The following NEMF variants were observed in gnomAD, a reference collection of about 807,000 sequenced individuals.
NEMF encodes ribosome quality control complex subunit NEMF.
NEMF carries 89 observed loss-of-function variants against 162.2 expected under a neutral mutation model. That is an observed-to-expected ratio of 0.55 (90% CI 0.46 to 0.65). The LOEUF (loss-of-function observed/expected upper bound fraction) is 0.65, where lower values mean the gene tolerates loss of function less well. Among genes scored for constraint, NEMF ranks in the 30% least tolerant of loss-of-function variants. The pLI is 0.00. For missense variants in NEMF, 1,133 were observed against 1,261.9 expected (o/e 0.90, Z 1.55); for synonymous variants, 421 against 404.5 (o/e 1.04, Z -0.49).
Position 49,840,057 on chromosome 14 carries a change from G to A in NEMF, c.506+661C>T, listed in dbSNP as rs368583025. Among the ~76,000 whole-genome samples the A allele has an allele frequency of 9.2e-5, 14 of 152,286 alleles. No homozygotes were observed. In the East Asian group the frequency reaches 2.5e-3, roughly 27 times the overall value. ...CTCCTGTAGTTCCACCTACTTGGGA[G>A]GCTGAGGCAGGAGGATTGCTTGAGC... On this transcript the variant is annotated intron_variant, in intron 5 of 32. Transcript: ENST00000298310.
chr14:49,801,641 GAATA>G (rs1423643307), intron 22 of NEMF: 1 of 152,166 alleles, frequency 6.6e-6, no homozygotes, highest in African/African-American at 2.4e-5. Context: ...TTAGCAGAGA[GAATA>G]ACTACAAAAG....
At chr14:49,841,123 G>C (rs1039005793) in intron 4 of NEMF, among the ~76,000 whole-genome samples, 3 of 150,846 alleles carry the variant, frequency 2.0e-5, no homozygotes, top group Admixed American at 6.6e-5. Flanking sequence ...CTTGAATCTG[G>C]GGGGTGGAGA....
At position 49,789,344 on chromosome 14, in the gene NEMF, C is replaced by A; in HGVS notation, c.2698-1G>T. ...TTTCTTCTTTGTTTGAACCTGCAGA[C>A]TTTAATTCATAGAGGAAACATCAGT... is the stretch of plus-strand genomic sequence containing the variant. On this transcript the variant is annotated splice_acceptor_variant, in intron 27 of 32. Transcript: ENST00000298310. LOFTEE classifies it high-confidence loss of function. 6.2e-7 allele frequency: 1 copy of A among 1,613,956 alleles called. No homozygotes were observed. Among genetic ancestry groups the A allele is most frequent in the Non-Finnish European group, 8.5e-7 (1 of 1,179,940 alleles).
chr14:49,789,700 A>G, intron 26 of NEMF, 127 bp from the exon 27 acceptor site: 1 of 1,299,876 alleles, frequency 7.7e-7, no homozygotes, highest in Non-Finnish European at 1.0e-6. Context: ...CACCATTATA[A>G]TAAACAATAT....
chr14:49,790,334 T>TATA (rs1479663527), intron 26 of NEMF, among the ~76,000 whole-genome samples: 1 of 152,122 alleles, frequency 6.6e-6, no homozygotes, highest in African/African-American at 2.4e-5. Context: ...AGAGAACCCT[T>TATA]ATACATCAAC....
At position 49,800,551 on chromosome 14, in the gene NEMF, G is replaced by A. The variant is rs760029795; in HGVS notation, c.2241C>T (p.Ser747=). 13 of 1,613,918 alleles carry A rather than the reference G, an allele frequency of 8.1e-6. No individual in the cohort carries two copies. The highest frequency in any genetic ancestry group is 6.6e-5 in the South Asian group (6 of 91,064). ...ELNEELIQEE[S]SEDEGEYEEV... Reference sequence around the variant, plus strand: ...CTTCATATTCTCCTTCGTCTTCAGAGCTTTCTTCCTGAATGAGCTCCTCAT... The same window carrying A: ...CTTCATATTCTCCTTCGTCTTCAGAACTTTCTTCCTGAATGAGCTCCTCAT... Residue 747 remains serine, a synonymous_variant, in exon 23 of 33, where the codon AGC becomes AGT. Coordinates refer to ENST00000298310, the MANE Select transcript of NEMF (RefSeq NM_004713.6).
intron 22 of NEMF, 36 bp downstream of exon 22, chr14:49,802,417 A>C (rs533980975): frequency 6.2e-7 from 1 of 1,603,046 alleles, no homozygotes; most frequent in Non-Finnish European, 8.5e-7. Flanking sequence ...GTAACAAAAA[A>C]CATCACAAGC....
intron 4 of NEMF, chr14:49,844,686 AATTT>A (rs1893384449): frequency 5.8e-6 from 1 of 172,894 alleles, no homozygotes; most frequent in Non-Finnish European, 1.3e-5. Flanking sequence ...GACCAGATTA[AATTT>A]ATGTATTTAT....
Position 49,806,151 on chromosome 14 carries a change from A to T in NEMF, c.1745-18T>A, listed in dbSNP as rs751216801. ...GGGTTCTCCTAGAATAACAATGCAT[A>T]ATGTTTCAATACCAAAGTATGGACT... On this transcript the variant is annotated intron_variant, in intron 18 of 32. Transcript: ENST00000298310. The T allele has an allele frequency of 3.5e-5, 55 of 1,572,560 alleles. No homozygotes were observed. In the South Asian group the frequency reaches 6.1e-4, roughly 18 times the overall value.
intron 26 of NEMF, among the ~76,000 whole-genome samples, chr14:49,794,308 T>A (rs1890586090): frequency 6.6e-6 from 1 of 152,236 alleles, no homozygotes; most frequent in Admixed American, 6.5e-5. Flanking sequence ...TAAAGTCATG[T>A]TGAATTTACA....
chr14:49,826,081 A>AACACAC, intron 15 of NEMF, 126 bp from the exon 16 acceptor site: 1 of 554,844 alleles, frequency 1.8e-6, no homozygotes, highest in Non-Finnish European at 3.2e-6. Context: ...CACACACACA[A>AACACAC]ACACACACAC....
At chr14:49,839,075 T>A (rs1893063272) in intron 5 of NEMF, among the ~76,000 whole-genome samples, 2 of 151,026 alleles carry the variant, frequency 1.3e-5, no homozygotes, top group Non-Finnish European at 3.0e-5. Flanking sequence ...TAATTTTTTT[T>A]TTTTTATTTT....
In NEMF at chr14:49,784,511, T is replaced by A; in HGVS notation, c.*125A>T. Reference sequence around the variant, plus strand: ...ACAAGAAGTAAGTCCTTTTGGTGAATATAGCAAGGCAATGTTTAGTTCATT... The same window carrying A: ...ACAAGAAGTAAGTCCTTTTGGTGAAAATAGCAAGGCAATGTTTAGTTCATT... On this transcript the variant is annotated 3_prime_UTR_variant, in exon 33 of 33. Transcript: ENST00000298310. The A allele has an allele frequency of 1.5e-6, 1 of 654,502 alleles. No individual in the cohort carries two copies. Among genetic ancestry groups the A allele is most frequent in the South Asian group, 2.1e-5 (1 of 47,702 alleles). The allele number at this position is 654,502 out of a possible 1,614,324, so 40.5% of individuals were successfully genotyped here.
chr14:49,809,503 G>C (rs1455896055), intron 18 of NEMF, among the ~76,000 whole-genome samples: 1 of 152,134 alleles, frequency 6.6e-6, no homozygotes, highest in African/African-American at 2.4e-5. Context: ...AACTAAATCT[G>C]TATGATAATA....
At chr14:49,794,844 G>A (rs768455515) in intron 26 of NEMF, among the ~76,000 whole-genome samples, 2 of 151,288 alleles carry the variant, frequency 1.3e-5, no homozygotes, top group Non-Finnish European at 2.9e-5. Context: ...TCAGCCTCTC[G>A]AGTAGCTGGG....
intron 11 of NEMF, among the ~76,000 whole-genome samples, chr14:49,830,942 C>T (rs1892603055): frequency 6.6e-6 from 1 of 152,220 alleles, no homozygotes; most frequent in Admixed American, 6.5e-5. Flanking sequence ...ATCCCCTCCT[C>T]TGGCCTATTT....
intron 18 of NEMF, among the ~76,000 whole-genome samples, chr14:49,812,801 T>C (rs898498893): frequency 6.7e-6 from 1 of 148,788 alleles, no homozygotes; most frequent in Non-Finnish European, 1.5e-5. Flanking sequence ...TATTGAGGCT[T>C]TTTTTTTTTG....
At chr14:49,785,180 C>A in intron 30 of NEMF, 40 bp downstream of exon 30, 4 of 1,603,704 alleles carry the variant, frequency 2.5e-6, no homozygotes, top group Non-Finnish European at 3.4e-6. Flanking sequence ...CGTTACAAAA[C>A]AATTCACAAA....
Position 49,838,638 on chromosome 14 carries a change from A to G in NEMF, c.507-432T>C, listed in dbSNP as rs1040461543. ...CTTGCTCTGTCGCCCAGGCTGCAGT[A>G]CAGTGGCACGATCTCGGCTCGCTAC... is the stretch of plus-strand genomic sequence containing the variant. On this transcript the variant is annotated intron_variant, in intron 5 of 32. Coordinates refer to ENST00000298310, the MANE Select transcript of NEMF (RefSeq NM_004713.6). Among the ~76,000 whole-genome samples the G allele has an allele frequency of 1.5e-4, 22 of 142,444 alleles. No homozygotes were observed. In the South Asian group the frequency reaches 1.7e-3, roughly 11 times the overall value. 93.4% of individuals were successfully genotyped at this position (142,444 alleles called of 152,430 possible). A position where few individuals can be genotyped will look rare whatever the true frequency, so the allele number is the denominator to read the frequency against.
Sources: gnomAD v4.1 joint callset for allele counts (sites outside exome capture counted in the v4.1 genomes callset) on GRCh38, gnomAD v4.1.1 for gene constraint, MANE v1.5 for transcripts, NCBI Gene and HGNC (gene_info 2026-07-23, HGNC 2026-07-21) for gene names.